TRIM41: variants seen among roughly 807,000 people sequenced by gnomAD.
TRIM41 encodes the protein tripartite motif containing 41.
In TRIM41, 21 loss-of-function variants were observed where a neutral mutation model predicts 60.6. That is an observed-to-expected ratio of 0.35 (90% CI 0.25 to 0.50). The LOEUF (loss-of-function observed/expected upper bound fraction) is 0.50, where lower values mean the gene tolerates loss of function less well. TRIM41 is among the 20% of genes least tolerant of loss of function. The probability of loss-of-function intolerance (pLI) is 0.98; values close to 1 mark genes in which losing one functional copy is unlikely to be tolerated. For synonymous variants in TRIM41, 407 were observed against 344.9 expected (o/e 1.18, Z -2.00); for missense variants, 846 against 868.3 (o/e 0.97, Z 0.32).
At chr5:181,227,337 G>A (rs1233365188) in intron 1 of TRIM41, 1 of 151,802 alleles carries the variant, frequency 6.6e-6, no homozygotes, top group Non-Finnish European at 1.5e-5. Flanking sequence ...TTTACAAGTG[G>A]GTCATTTATT....
chr5:181,232,670 G>T lies in TRIM41; in HGVS notation c.921G>T (p.Lys307Asn). ...RRVTELKSQM[K>N]SELAAVASEF... ...TTGCACCATTCCAGAGCCAGATGAAGTCAGAGCTGGCAGCGGTGGCCTCGG... is the reference window on the plus strand; with the variant it reads ...TTGCACCATTCCAGAGCCAGATGAATTCAGAGCTGGCAGCGGTGGCCTCGG... Residue 307 changes from lysine (K) to asparagine (N), a missense_variant, in exon 3 of 6, where the codon AAG becomes AAT. Lys to Asn is a moderately conservative substitution (Grantham distance 94). Transcript: ENST00000315073. 3 of 1,613,938 alleles carry T rather than the reference G, an allele frequency of 1.9e-6. No individual in the cohort carries two copies. Among genetic ancestry groups the T allele is most frequent in the Non-Finnish European group, 2.5e-6 (3 of 1,179,952 alleles).
chr5:181,234,767 T>C lies in TRIM41; in HGVS notation c.1885T>C (p.Cys629Arg), dbSNP rs746203596. 6.2e-7 allele frequency: 1 copy of C among 1,610,014 alleles called. No individual in the cohort carries two copies. The highest frequency in any genetic ancestry group is 8.5e-7 in the Non-Finnish European group (1 of 1,177,760). ...VLSKGTRIKL[C>R]P ...CTCCAAGGGCACCCGCATCAAGCTC[T>C]GCCCTTGATTATCCTGCCACCCGCA... The change falls in exon 6 of 6, where the codon TGC (cysteine) becomes CGC (arginine). Residue 629 changes from cysteine (C) to arginine (R), a missense_variant. Transcript: ENST00000315073. The surrounding 1 kb of genome is among the most constrained non-coding windows in gnomAD (Gnocchi z 5.6).
chr5:181,225,258 G>T, intron 1 of TRIM41: 1 of 210,124 alleles, frequency 4.8e-6, no homozygotes. Flanking sequence ...TTGCCTCCCA[G>T]TGGGTTCCCC....
Position 181,234,484 on chromosome 5 carries a change from C to A in TRIM41, c.1602C>A (p.Arg534=). 8.7e-6 allele frequency: 14 copies of A among 1,613,592 alleles called. No homozygotes were observed. Among genetic ancestry groups the A allele is most frequent in the Non-Finnish European group, 1.2e-5 (14 of 1,179,714 alleles). Residue 534 remains arginine, a synonymous_variant, in exon 6 of 6, where the codon CGC becomes CGA. Coordinates refer to ENST00000315073, the MANE Select transcript of TRIM41 (RefSeq NM_033549.5). The surrounding 1 kb of genome is among the most constrained non-coding windows in gnomAD (Gnocchi z 5.6). ...GCTCCTCGCGCCATCACCATCGCCG[C>A]CGCCGGCTCCACCTGCCCCAGCAGC... ...DASSSRHHHR[R]RRLHLPQQPL...
chr5:181,235,387 C>G lies in TRIM41; in HGVS notation c.*612C>G, dbSNP rs774059630. 2.6e-5 allele frequency: 42 copies of G among 1,614,092 alleles called. No individual in the cohort carries two copies. Among genetic ancestry groups the G allele is most frequent in the Non-Finnish European group, 3.2e-5 (38 of 1,180,048 alleles). On this transcript the variant is annotated 3_prime_UTR_variant, in exon 6 of 6. Transcript: ENST00000315073. ...GAATTTAGCTTCACTTGAGAGAGAT[C>G]TGGAATGGTCGCCATGATTGAAACC...
chr5:181,234,003 C>A lies in TRIM41; in HGVS notation c.1292-171C>A. The A allele has an allele frequency of 7.9e-7, 1 of 1,272,826 alleles. No individual in the cohort carries two copies. Among genetic ancestry groups the A allele is most frequent in the Non-Finnish European group, 1.1e-6 (1 of 913,064 alleles). The allele number at this position is 1,272,826 out of a possible 1,614,324, so 78.8% of individuals were successfully genotyped here. A position where few individuals can be genotyped will look rare whatever the true frequency, so the allele number is the denominator to read the frequency against. ...GGCTGGGGGAAGACCTGTCAGGTATCCTAGGAACAAGAGTGAGGAGCAAGA... is the reference window on the plus strand; with the variant it reads ...GGCTGGGGGAAGACCTGTCAGGTATACTAGGAACAAGAGTGAGGAGCAAGA... On this transcript the variant is annotated intron_variant, in intron 5 of 5. Coordinates refer to ENST00000315073, the MANE Select transcript of TRIM41 (RefSeq NM_033549.5). This position sits in a 1 kb window ranked among gnomAD's most constrained non-coding sequence, Gnocchi z 5.6.
At position 181,224,682 on chromosome 5, in the gene TRIM41, C is replaced by T. The variant is rs1758465328; in HGVS notation, c.683C>T (p.Pro228Leu). The T allele has an allele frequency of 1.2e-6, 2 of 1,614,174 alleles. No homozygotes were observed. The highest frequency in any genetic ancestry group is 1.7e-6 in the Non-Finnish European group (2 of 1,180,048). The change falls in exon 1 of 6, where the codon CCC becomes CTC. Residue 228 changes from proline to leucine, a missense_variant. Coordinates refer to ENST00000315073, the MANE Select transcript of TRIM41 (RefSeq NM_033549.5). The part of the protein sequence containing the change: ...GSRVTDQGIC[P>L]KHQEALKLFC... ...CGCGTGACCGATCAGGGCATCTGTCCCAAACACCAAGAAGCCCTGAAGCTC... is the reference window on the plus strand; with the variant it reads ...CGCGTGACCGATCAGGGCATCTGTCTCAAACACCAAGAAGCCCTGAAGCTC...
At position 181,234,103 on chromosome 5, in the gene TRIM41, C is replaced by T; in HGVS notation, c.1292-71C>T. 1.3e-6 allele frequency: 2 copies of T among 1,598,708 alleles called. No homozygotes were observed. The highest frequency in any genetic ancestry group is 1.7e-5 in the Admixed American group (1 of 59,988). On this transcript the variant is annotated intron_variant, in intron 5 of 5. Coordinates refer to ENST00000315073, the MANE Select transcript of TRIM41 (RefSeq NM_033549.5). The surrounding 1 kb of genome is among the most constrained non-coding windows in gnomAD (Gnocchi z 5.6). ...GATTCAGGGAGAAAGGGGGCCCAAT[C>T]TGTGGAGTTGGCTGCTGACAGGGGA...
chr5:181,229,403 C>G (rs889130909), intron 1 of TRIM41: 1 of 152,190 alleles, frequency 6.6e-6, no homozygotes, highest in Non-Finnish European at 1.5e-5. Flanking sequence ...ACCCTATATT[C>G]TCTCTCAAAG....
Position 181,235,385 on chromosome 5 carries a change from A to C in TRIM41, c.*610A>C. 1 of 1,614,182 alleles carries C rather than the reference A, an allele frequency of 6.2e-7. No individual in the cohort carries two copies. The highest frequency in any genetic ancestry group is 1.6e-4 in the Middle Eastern group (1 of 6,062). ...CAGAATTTAGCTTCACTTGAGAGAG[A>C]TCTGGAATGGTCGCCATGATTGAAA... On this transcript the variant is annotated 3_prime_UTR_variant, in exon 6 of 6. Coordinates refer to ENST00000315073, the MANE Select transcript of TRIM41 (RefSeq NM_033549.5).
Position 181,235,170 on chromosome 5 carries a change from G to A in TRIM41, c.*395G>A. 1 of 1,535,892 alleles carries A rather than the reference G, an allele frequency of 6.5e-7. No homozygotes were observed. The highest frequency in any genetic ancestry group is 8.8e-7 in the Non-Finnish European group (1 of 1,138,898). ...CCTCTTTATCAGTTCTGAGGCTGGA[G>A]GGTTTGGGCAAGGCAACATCCCCAT... On this transcript the variant is annotated 3_prime_UTR_variant, in exon 6 of 6. Coordinates refer to ENST00000315073, the MANE Select transcript of TRIM41 (RefSeq NM_033549.5).
In TRIM41 at chr5:181,234,225, C is replaced by T. The variant is rs778192168; in HGVS notation, c.1343C>T (p.Pro448Leu). 1.3e-5 allele frequency: 21 copies of T among 1,613,254 alleles called. No individual in the cohort carries two copies. The highest frequency in any genetic ancestry group is 1.8e-5 in the Non-Finnish European group (21 of 1,179,984). The change falls in exon 6 of 6, where the codon CCT (proline) becomes CTT (leucine). Residue 448 changes from proline to leucine, a missense_variant. Pro to Leu is a moderately conservative substitution (Grantham distance 98). Coordinates refer to ENST00000315073, the MANE Select transcript of TRIM41 (RefSeq NM_033549.5). This position sits in a 1 kb window ranked among gnomAD's most constrained non-coding sequence, Gnocchi z 5.6. ...GCTCACCCGGCCCTGATGCTGTCCC[C>T]TGACCGCCGGGGGGTCCGCCTGGCA... Reference protein sequence around the residue: ...DTAHPALMLSPDRRGVRLAER... With the variant: ...DTAHPALMLSLDRRGVRLAER...
intron 2 of TRIM41, chr5:181,232,244 A>AT: frequency 2.7e-5 from 5 of 186,316 alleles, no homozygotes; most frequent in South Asian, 2.2e-4. Context: ...AGCTCATGGT[A>AT]CAGTGGGGGA....
At position 181,224,600 on chromosome 5, in the gene TRIM41, C is replaced by G; in HGVS notation, c.601C>G (p.Leu201Val). 2 of 1,614,238 alleles carry G rather than the reference C, an allele frequency of 1.2e-6. No homozygotes were observed. Among genetic ancestry groups the G allele is most frequent in the Non-Finnish European group, 1.7e-6 (2 of 1,180,040 alleles). The change falls in exon 1 of 6, where the codon CTG becomes GTG. Residue 201 changes from leucine (L) to valine (V), a missense_variant. Transcript: ENST00000315073. ...PRRSFRPNLQ[L>V]ANMVQVIRQM... ...GCGGAGCTTCCGCCCCAACCTGCAGCTGGCCAATATGGTCCAGGTGATTCG... is the reference window on the plus strand; with the variant it reads ...GCGGAGCTTCCGCCCCAACCTGCAGGTGGCCAATATGGTCCAGGTGATTCG...
At position 181,233,929 on chromosome 5, in the gene TRIM41, T is replaced by C; in HGVS notation, c.1291+166T>C. The C allele has an allele frequency of 2.4e-6, 3 of 1,255,090 alleles. No individual in the cohort carries two copies. The highest frequency in any genetic ancestry group is 3.3e-6 in the Non-Finnish European group (3 of 895,798). 77.7% of individuals were successfully genotyped at this position (1,255,090 alleles called of 1,614,324 possible). ...TCAAGCCATGAGCAGGTAGACCTAGTGCAGGCAGGCCTGGAGGGTGGGGTG... is the reference window on the plus strand; with the variant it reads ...TCAAGCCATGAGCAGGTAGACCTAGCGCAGGCAGGCCTGGAGGGTGGGGTG... On this transcript the variant is annotated intron_variant, in intron 5 of 5. Transcript: ENST00000315073. This position sits in a 1 kb window ranked among gnomAD's most constrained non-coding sequence, Gnocchi z 4.1.
chr5:181,234,836 G>GCC lies in TRIM41; in HGVS notation c.*63_*64dup, dbSNP rs995282640. The GCC allele has an allele frequency of 1.2e-6, 2 of 1,606,626 alleles. No individual in the cohort carries two copies. The highest frequency in any genetic ancestry group is 2.7e-5 in the African/African-American group (2 of 74,654). ...CTTGGGGGGTGGGTGGTGGAGGGTG[G>GCC]CCCGTAAGTTTGAGGGCTCAAAGGC... On this transcript the variant is annotated 3_prime_UTR_variant, in exon 6 of 6. Coordinates refer to ENST00000315073, the MANE Select transcript of TRIM41 (RefSeq NM_033549.5). This position sits in a 1 kb window ranked among gnomAD's most constrained non-coding sequence, Gnocchi z 5.6.
At chr5:181,226,885 T>C (rs1338975709) in intron 1 of TRIM41, 1 of 152,152 alleles carries the variant, frequency 6.6e-6, no homozygotes, top group Non-Finnish European at 1.5e-5. Context: ...CCCTTTTTTT[T>C]TTTTTGAGAC....
Position 181,223,697 on chromosome 5 carries a change from G to A in TRIM41, c.-303G>A. 2.1e-6 allele frequency: 1 copy of A among 487,230 alleles called. No homozygotes were observed. Among genetic ancestry groups the A allele is most frequent in the East Asian group, 3.1e-5 (1 of 32,704 alleles). 30.2% of individuals were successfully genotyped at this position (487,230 alleles called of 1,614,324 possible). A position where few individuals can be genotyped will look rare whatever the true frequency, so the allele number is the denominator to read the frequency against. On this transcript the variant is annotated 5_prime_UTR_variant, in exon 1 of 6. Coordinates refer to ENST00000315073, the MANE Select transcript of TRIM41 (RefSeq NM_033549.5). ...TAGGGGCGGGGCCAGGAAGTGAGGAGGGGCGGGGGTTTATGAGGAGTCCAA... is the reference window on the plus strand; with the variant it reads ...TAGGGGCGGGGCCAGGAAGTGAGGAAGGGCGGGGGTTTATGAGGAGTCCAA...
In TRIM41 at chr5:181,223,986, G is replaced by T. The variant is rs964519561; in HGVS notation, c.-14G>T. On this transcript the variant is annotated 5_prime_UTR_variant, in exon 1 of 6. Transcript: ENST00000315073. ...CCCCCACCGAACCTCTACACTGGCTGGCTGGACACTAAGATGGCTGCCGTT... is the reference window on the plus strand; with the variant it reads ...CCCCCACCGAACCTCTACACTGGCTTGCTGGACACTAAGATGGCTGCCGTT... The T allele has an allele frequency of 2.8e-5, 45 of 1,603,948 alleles. No homozygotes were observed. Among genetic ancestry groups the T allele is most frequent in the African/African-American group, 4.0e-5 (3 of 74,832 alleles).
Sources: allele counts gnomAD v4.1 joint callset, GRCh38; gene constraint gnomAD v4.1.1; non-coding constraint Gnocchi (gnomAD v3.1); transcripts MANE v1.5; gene names NCBI Gene and HGNC (gene_info 2026-07-23, HGNC 2026-07-21).